The following GNL3L variants were observed in gnomAD, a reference collection of about 807,000 sequenced individuals.
GNL3L encodes the protein G protein nucleolar 3 like, also known as guanine nucleotide-binding protein-like 3-like protein.
GNL3L carries 4 observed loss-of-function variants against 42.9 expected under a neutral mutation model. That is an observed-to-expected ratio of 0.09 (90% CI 0.05 to 0.21). The LOEUF (loss-of-function observed/expected upper bound fraction) is 0.21, where lower values mean the gene tolerates loss of function less well. GNL3L is among the 10% of genes least tolerant of loss of function. The pLI, the probability that GNL3L is intolerant of heterozygous loss-of-function variation, is 1.00. For synonymous variants in GNL3L, 159 were observed against 176.3 expected, an observed-to-expected ratio of 0.90 and a Z score of 0.78; for missense variants, 412 against 481.7, an observed-to-expected ratio of 0.86 and a Z score of 1.36.
intron 16 of GNL3L, among the ~76,000 whole-genome samples, chrX:54,620,205 A>C (rs1926270631): frequency 9.0e-6 from 1 of 110,995 alleles, no homozygotes; most frequent in Non-Finnish European, 1.9e-5. Flanking sequence ...TGTGCTATCA[A>C]ATTCTAGATC....
intron 16 of GNL3L, among the ~76,000 whole-genome samples, chrX:54,587,933 A>C (rs1925809194): frequency 8.9e-6 from 1 of 111,777 alleles, no homozygotes; most frequent in Admixed American, 9.5e-5. Flanking sequence ...CTTCTGCCTC[A>C]GCCTCCCAAA....
chrX:54,557,769 C>T (rs1419658586), intron 14 of GNL3L, among the ~76,000 whole-genome samples: 1 of 110,373 alleles, frequency 9.1e-6, no homozygotes, highest in African/African-American at 3.3e-5. Flanking sequence ...TTTGTAGAGA[C>T]GAAGGTCTCA....
At chrX:54,585,184 T>A (rs758436005) in intron 16 of GNL3L, among the ~76,000 whole-genome samples, 14 of 112,383 alleles carry the variant, frequency 1.2e-4, no homozygotes, top group South Asian at 3.6e-4. Flanking sequence ...GTTGAGAAAT[T>A]TTTCATCTAT....
At chrX:54,626,391 T>C (rs929601672), downstream of GNL3L, among the ~76,000 whole-genome samples, 3 of 112,121 alleles carry the variant, frequency 2.7e-5, no homozygotes, top group Non-Finnish European at 3.8e-5. Context: ...TAGTATTCTA[T>C]TGTGTATATA....
chrX:54,603,266 T>C (rs1463361568), intron 16 of GNL3L, among the ~76,000 whole-genome samples: 1 of 111,535 alleles, frequency 9.0e-6, no homozygotes, highest in Non-Finnish European at 1.9e-5. Flanking sequence ...TATAAATAAA[T>C]AACCAATCAA....
At chrX:54,551,486 A>G in intron 10 of GNL3L, 82 bp from the exon 11 acceptor site, 1 of 832,140 alleles carries the variant, frequency 1.2e-6, no homozygotes, top group South Asian at 2.3e-5. Flanking sequence ...ACTCCTTTAC[A>G]CTCCCACATC....
Position 54,543,259 on chromosome X carries a change from T to C in GNL3L, c.443T>C (p.Leu148Ser). Reference protein sequence around the residue: ...ILEVLDARDPLGCRCFQMEEA... With the variant: ...ILEVLDARDPSGCRCFQMEEA... ...GAAGTCCTGGATGCCAGAGACCCAT[T>C]AGGCTGCCGCTGCTTCCAAATGGAG... The change falls in exon 7 of 16, where the codon TTA (leucine) becomes TCA (serine). Residue 148 changes from leucine to serine, a missense_variant. By Grantham distance (145) the Leu-to-Ser change is moderately radical. Transcript: ENST00000360845. The C allele has an allele frequency of 8.3e-7, 1 of 1,208,925 alleles. No homozygotes were observed. Among genetic ancestry groups the C allele is most frequent in the Non-Finnish European group, 1.1e-6 (1 of 893,391 alleles).
chrX:54,638,051 G>C, the GNL3L span, among the ~76,000 whole-genome samples: 24 of 112,017 alleles, frequency 2.1e-4, no homozygotes, highest in Non-Finnish European at 1.9e-4. Context: ...GGGATTATGT[G>C]TAATTGTCTT....
At chrX:54,638,669 C>T in the GNL3L span, among the ~76,000 whole-genome samples, 2 of 111,306 alleles carry the variant, frequency 1.8e-5, no homozygotes, top group Admixed American at 9.5e-5. Context: ...ATGCTGGTCT[C>T]GAACTTCTGA....
intron 16 of GNL3L, among the ~76,000 whole-genome samples, chrX:54,590,313 T>A (rs1047495407): frequency 1.8e-5 from 2 of 112,507 alleles, no homozygotes; most frequent in Non-Finnish European, 1.9e-5. Flanking sequence ...ATGAATGATG[T>A]TGAGCATCTT....
intron 16 of GNL3L, among the ~76,000 whole-genome samples, chrX:54,584,759 C>G (rs749771220): frequency 8.9e-6 from 1 of 112,365 alleles, no homozygotes; most frequent in East Asian, 2.8e-4. Flanking sequence ...TGAGGAACCT[C>G]TATATTGTTT....
Position 54,550,880 on chromosome X carries a change from C to T in GNL3L, c.776-83C>T, listed in dbSNP as rs774591493. On this transcript the variant is annotated intron_variant, in intron 9 of 15. Coordinates refer to ENST00000360845, the MANE Select transcript of GNL3L (RefSeq NM_001184819.2). ...CTTCCCCATGGCCTGGTTACTACCCCTGGCTAGGCCTCCCTCACACAGGCT... is the reference window on the plus strand; with the variant it reads ...CTTCCCCATGGCCTGGTTACTACCCTTGGCTAGGCCTCCCTCACACAGGCT... 1,391 of 581,794 alleles carry T rather than the reference C, an allele frequency of 2.4e-3. 21 individuals are homozygous for T. In the African/African-American group the frequency reaches 0.027, roughly 11 times the overall value. 47.9% of individuals were successfully genotyped at this position (581,794 alleles called of 1,213,427 possible).
chrX:54,585,441 T>C (rs1925771177), intron 16 of GNL3L, among the ~76,000 whole-genome samples: 1 of 111,585 alleles, frequency 9.0e-6, no homozygotes, highest in South Asian at 3.7e-4. Context: ...TCTAACTAAT[T>C]CTAGGTCTGG....
chrX:54,579,825 G>A (rs1166402243), intron 16 of GNL3L, among the ~76,000 whole-genome samples: 1 of 111,125 alleles, frequency 9.0e-6, no homozygotes, highest in East Asian at 2.8e-4. Flanking sequence ...CTACAGGCAT[G>A]CGCCACAACG....
At chrX:54,582,974 T>TC (rs1411689664) in intron 16 of GNL3L, among the ~76,000 whole-genome samples, 1 of 112,148 alleles carries the variant, frequency 8.9e-6, no homozygotes, top group Non-Finnish European at 1.9e-5. Context: ...AAATGTCTGT[T>TC]CATGTCTTTT....
Position 54,575,607 on chromosome X carries a change from G to A in GNL3L, c.*45+14960G>A, listed in dbSNP as rs779459825. The stretch of plus-strand genomic sequence containing the variant: ...AAATTAGCCGGGTGTGGTGGCGGGC[G>A]CCTGTAGTCCCAGCTACTCAGGAGG... On this transcript the variant is annotated intron_variant, in intron 16 of 16. Coordinates refer to the GNL3L transcript ENST00000674498. Among the ~76,000 whole-genome samples the A allele has an allele frequency of 4.6e-3, 515 of 111,799 alleles. 2 individuals are homozygous for A. The highest frequency in any genetic ancestry group is 0.015 in the African/African-American group (473 of 30,818).
chrX:54,584,450 A>G (rs146075098), intron 16 of GNL3L, among the ~76,000 whole-genome samples: 13 of 112,052 alleles, frequency 1.2e-4, no homozygotes, highest in Admixed American at 9.5e-4. Flanking sequence ...ATTAGGATAT[A>G]TATCACCTCA....
intron 16 of GNL3L, among the ~76,000 whole-genome samples, chrX:54,595,097 C>G (rs193034364): frequency 7.1e-5 from 8 of 112,004 alleles, no homozygotes; most frequent in Non-Finnish European, 1.3e-4. Context: ...TTTCTGTGTA[C>G]TTACTATTAG....
intron 16 of GNL3L, among the ~76,000 whole-genome samples, chrX:54,597,865 C>T (rs1416794538): frequency 9.0e-6 from 1 of 111,052 alleles, no homozygotes; most frequent in African/African-American, 3.3e-5. Flanking sequence ...TTGCTGCACT[C>T]TCCCTGCCGC....
Sources: gnomAD v4.1 joint callset for allele counts (sites outside exome capture counted in the v4.1 genomes callset) on GRCh38, gnomAD v4.1.1 for gene constraint, MANE v1.5 for transcripts, NCBI Gene and HGNC (gene_info 2026-07-23, HGNC 2026-07-21) for gene names.